Variants in SLC8B1 observed in about 807,000 individuals in gnomAD.
SLC8B1 encodes the protein mitochondrial sodium/calcium exchanger protein.
Under a neutral mutation model 63.4 loss-of-function variants are expected in SLC8B1, and 52 were observed. The ratio of observed to expected loss-of-function variants is 0.82; its 90% CI spans 0.66 to 1.03. The LOEUF (loss-of-function observed/expected upper bound fraction) is 1.03. Ranked by LOEUF, SLC8B1 falls within the 50% of genes least tolerant of loss-of-function variation. SLC8B1 has a pLI of 0.00. For missense variants in SLC8B1, 657 were observed against 741.7 expected (o/e 0.89, Z 1.33); for synonymous variants, 336 against 323.9 (o/e 1.04, Z -0.40).
intron 15 of SLC8B1, among the ~76,000 whole-genome samples, chr12:113,303,575 T>C (rs1411710425): frequency 1.3e-5 from 2 of 150,598 alleles, no homozygotes; most frequent in African/African-American, 2.4e-5. Context: ...GGGATGGGAC[T>C]GCCAGCGGCT....
chr12:113,314,913 TG>T (rs1219745881), intron 11 of SLC8B1, among the ~76,000 whole-genome samples: 1 of 152,198 alleles, frequency 6.6e-6, no homozygotes, highest in Non-Finnish European at 1.5e-5. Context: ...GTGTCCCTTA[TG>T]GCACAAGCGC....
In SLC8B1 at chr12:113,321,155, ACACCAGCCCCTCT is replaced by A. The variant is rs779963493; in HGVS notation, c.309+28_309+40del. The A allele has an allele frequency of 3.1e-6, 5 of 1,613,758 alleles. No individual in the cohort carries two copies. In the Admixed American group the frequency reaches 6.7e-5, roughly 22 times the overall value. On this transcript the variant is annotated intron_variant, in intron 3 of 15. Transcript: ENST00000680972. Reference sequence around the variant, plus strand: ...AAGGGAGAGTCAAGTCCAGCTGGAGACACCAGCCCCTCTCACCAGCCCCCCAGGGCAGGGCCTC... The same window carrying A: ...AAGGGAGAGTCAAGTCCAGCTGGAGACACCAGCCCCCCAGGGCAGGGCCTC...
chr12:113,326,691 T>C (rs576198938), intron 2 of SLC8B1, among the ~76,000 whole-genome samples: 10 of 151,930 alleles, frequency 6.6e-5, no homozygotes, highest in Non-Finnish European at 1.0e-4. Context: ...CTCTTTTTTT[T>C]TTTTTGAGAC....
At chr12:113,334,179 C>G (rs1020721288) in intron 1 of SLC8B1, among the ~76,000 whole-genome samples, 2 of 152,152 alleles carry the variant, frequency 1.3e-5, no homozygotes, top group African/African-American at 4.8e-5. Context: ...AGACCAGGGC[C>G]AAAATGGCTT....
At chr12:113,302,701 C>T (rs1263538274) in intron 15 of SLC8B1, 1 of 456,156 alleles carries the variant, frequency 2.2e-6, no homozygotes. Flanking sequence ...TCCTCCTCGT[C>T]TCCAACCCAC....
In SLC8B1 at chr12:113,299,560, G is replaced by T; in HGVS notation, c.*217C>A. 1 of 567,868 alleles carries T rather than the reference G, an allele frequency of 1.8e-6. No homozygotes were observed. 35.2% of individuals were successfully genotyped at this position (567,868 alleles called of 1,614,324 possible). A position where few individuals can be genotyped will look rare whatever the true frequency, so the allele number is the denominator to read the frequency against. ...AACCCTTTGTCCAGAGCAAAGCCAG[G>T]TTTCCAAGGTCCCCACGGCAAGGCT... On this transcript the variant is annotated 3_prime_UTR_variant, in exon 16 of 16. Transcript: ENST00000680972.
chr12:113,321,569 C>G (rs1273556147), intron 2 of SLC8B1, among the ~76,000 whole-genome samples: 1 of 151,880 alleles, frequency 6.6e-6, no homozygotes, highest in African/African-American at 2.4e-5. Context: ...TTAAAAAAAC[C>G]AATACATAAG....
rs547527678 is a variant in SLC8B1 at position 113,313,902 on chromosome 12, C to T, written c.1135+1433G>A. ...GCAGGTGCCTGTAATCCCAGCTACTCGGGAGGCTGAGGCAGGAGAATCACT... is the reference window on the plus strand; with the variant it reads ...GCAGGTGCCTGTAATCCCAGCTACTTGGGAGGCTGAGGCAGGAGAATCACT... On this transcript the variant is annotated intron_variant, in intron 11 of 15. Coordinates refer to ENST00000680972, the MANE Select transcript of SLC8B1 (RefSeq NM_001358345.2). Among the ~76,000 whole-genome samples the T allele has an allele frequency of 5.9e-5, 9 of 152,098 alleles. No individual in the cohort carries two copies. In the East Asian group the frequency reaches 1.7e-3, roughly 29 times the overall value.
At chr12:113,307,186 G>A (rs1956688282) in intron 13 of SLC8B1, among the ~76,000 whole-genome samples, 3 of 136,026 alleles carry the variant, frequency 2.2e-5, no homozygotes, top group African/African-American at 8.3e-5. Context: ...CTCATCTGCT[G>A]GTAACATGCA....
intron 8 of SLC8B1, among the ~76,000 whole-genome samples, chr12:113,318,321 G>A (rs1282376204): frequency 6.6e-6 from 1 of 151,860 alleles, no homozygotes; most frequent in Non-Finnish European, 1.5e-5. Context: ...GCGCATGCAT[G>A]CATCTGTATA....
intron 15 of SLC8B1, among the ~76,000 whole-genome samples, chr12:113,303,051 T>C (rs79540161): frequency 0.01 from 1,404 of 138,684 alleles, 37 homozygotes; most frequent in East Asian, 0.094. Flanking sequence ...ACAAAGGTGG[T>C]AGACACACAC....
Position 113,316,924 on chromosome 12 carries a change from C to A in SLC8B1, c.862+18G>T, listed in dbSNP as rs200050012. ...CCCTGTTACCGCCACCCTGGCTGGGCACAGGGCACGGACTCACCGTAGTCA... is the reference window on the plus strand; with the variant it reads ...CCCTGTTACCGCCACCCTGGCTGGGAACAGGGCACGGACTCACCGTAGTCA... On this transcript the variant is annotated intron_variant, in intron 9 of 15. Coordinates refer to ENST00000680972, the MANE Select transcript of SLC8B1 (RefSeq NM_001358345.2). 1,341 of 1,612,006 alleles carry A rather than the reference C, an allele frequency of 8.3e-4. 2 individuals are homozygous for A. Among genetic ancestry groups the A allele is most frequent in the Non-Finnish European group, 6.6e-4 (778 of 1,178,956 alleles).
intron 2 of SLC8B1, among the ~76,000 whole-genome samples, chr12:113,326,359 TTTC>T (rs1165992696): frequency 3.9e-5 from 6 of 152,206 alleles, no homozygotes; most frequent in Admixed American, 2.6e-4. Flanking sequence ...TCTTTTCTTT[TTTC>T]TTTTTTATTT....
rs932678317 is a variant in SLC8B1, at chr12:113,320,511, G to T, written c.527-13C>A. ...AGCACGCCAGCGCCTGGGGGGAGGA[G>T]GCCAGAGCTCAGCCACCCTGCACCC... is the stretch of plus-strand genomic sequence containing the variant. On this transcript the variant is annotated splice_polypyrimidine_tract_variant and intron_variant, in intron 6 of 15. Coordinates refer to ENST00000680972, the MANE Select transcript of SLC8B1 (RefSeq NM_001358345.2). The surrounding 1 kb of genome is among the most constrained non-coding windows in gnomAD (Gnocchi z 5.3). 1 of 1,613,920 alleles carries T rather than the reference G, an allele frequency of 6.2e-7. No individual in the cohort carries two copies. Among genetic ancestry groups the T allele is most frequent in the African/African-American group, 1.3e-5 (1 of 74,926 alleles).
At chr12:113,304,486 A>G (rs1956645813) in intron 14 of SLC8B1, 101 bp from the exon 15 acceptor site, 2 of 1,107,316 alleles carry the variant, frequency 1.8e-6, no homozygotes, top group Non-Finnish European at 2.7e-6. Context: ...TTGGGATGCC[A>G]CTGCAAGAAT....
rs374362369 is a variant in SLC8B1, at chr12:113,324,107, T to C, written c.157-2759A>G. The stretch of plus-strand genomic sequence containing the variant: ...CAGGAGGATCGCTTAAGCCCAGGAG[T>C]TTGAGACCAACTTGGGTAACATAGT... On this transcript the variant is annotated intron_variant, in intron 2 of 15. Coordinates refer to ENST00000680972, the MANE Select transcript of SLC8B1 (RefSeq NM_001358345.2). Among the ~76,000 whole-genome samples the C allele has an allele frequency of 1.0e-3, 155 of 150,562 alleles. 9 individuals are homozygous for C. In the South Asian group the frequency reaches 0.032, roughly 31 times the overall value.
At chr12:113,302,094 C>T (rs982185586) in intron 15 of SLC8B1, 5 of 153,092 alleles carry the variant, frequency 3.3e-5, no homozygotes, top group African/African-American at 9.7e-5. Context: ...AGTGCCCCAC[C>T]CCCAACAAAT....
At chr12:113,333,220 G>C (rs1240298291) in intron 1 of SLC8B1, among the ~76,000 whole-genome samples, 1 of 152,194 alleles carries the variant, frequency 6.6e-6, no homozygotes, top group South Asian at 2.1e-4. Flanking sequence ...CCTGAGGCCA[G>C]AATGCCAGGG....
At chr12:113,332,541 C>T (rs1258429427) in intron 2 of SLC8B1, among the ~76,000 whole-genome samples, 182 bp downstream of exon 2, 1 of 152,182 alleles carries the variant, frequency 6.6e-6, no homozygotes, top group Non-Finnish European at 1.5e-5. Flanking sequence ...TATAAGTTTA[C>T]TTCTTGATCT....
Sources: gnomAD v4.1 joint callset for allele counts (sites outside exome capture counted in the v4.1 genomes callset) on GRCh38, gnomAD v4.1.1 for gene constraint, Gnocchi (gnomAD v3.1) non-coding constraint, MANE v1.5 for transcripts, NCBI Gene and HGNC (gene_info 2026-07-23, HGNC 2026-07-21) for gene names.